The following TNFSF11 variants were observed in gnomAD, a reference collection of about 807,000 sequenced individuals.
TNFSF11 encodes the protein tumor necrosis factor ligand superfamily member 11.
A neutral mutation model predicts 32.2 loss-of-function variants in TNFSF11; 12 were observed. The observed-to-expected ratio is 0.37, with a 90% CI of 0.24 to 0.60. The LOEUF is 0.60. Ranked by LOEUF, TNFSF11 falls within the 20% of genes least tolerant of loss-of-function variation. TNFSF11 has a pLI of 0.66. For missense variants in TNFSF11, 345 were observed against 398.0 expected, an observed-to-expected ratio of 0.87 and a Z score of 1.13; for synonymous variants, 172 against 152.1, an observed-to-expected ratio of 1.13 and a Z score of -0.96.
In TNFSF11 at chr13:42,583,067, T is replaced by A. The variant is rs74058919; in HGVS notation, c.387+1774T>A. Among the ~76,000 whole-genome samples the A allele has an allele frequency of 8.5e-3, 1,295 of 152,236 alleles. 21 individuals carry two copies. The highest frequency in any genetic ancestry group is 0.03 in the African/African-American group (1,242 of 41,520). ...TAAAAGTTACCCTTTGAGTTCCTTA[T>A]GGAAGAATAAGTATGGAAAATCAGC... is the stretch of plus-strand genomic sequence containing the variant. On this transcript the variant is annotated intron_variant, in intron 2 of 4. Coordinates refer to ENST00000398795, the MANE Select transcript of TNFSF11 (RefSeq NM_003701.4).
At chr13:42,597,701 C>A (rs1868897904) in intron 2 of TNFSF11, among the ~76,000 whole-genome samples, 1 of 152,198 alleles carries the variant, frequency 6.6e-6, no homozygotes, top group Non-Finnish European at 1.5e-5. Context: ...AGGCCCCACC[C>A]CAAATCTACT....
rs1869521351 is a variant in TNFSF11 at position 42,607,355 on chromosome 13, A to T, written c.*437A>T. 1 of 155,828 alleles carries T rather than the reference A, an allele frequency of 6.4e-6. No individual in the cohort carries two copies. The highest frequency in any genetic ancestry group is 6.4e-5 in the Admixed American group (1 of 15,692). 9.7% of individuals were successfully genotyped at this position (155,828 alleles called of 1,614,324 possible). ...GGAACCTGCAAAAAATACTTTTTCT[A>T]ATGAGGAGAGAAAATATATGTATTT... On this transcript the variant is annotated 3_prime_UTR_variant, in exon 5 of 5. Coordinates refer to ENST00000398795, the MANE Select transcript of TNFSF11 (RefSeq NM_003701.4).
chr13:42,575,545 A>G (rs1873268872), intron 1 of TNFSF11, among the ~76,000 whole-genome samples: 1 of 152,186 alleles, frequency 6.6e-6, no homozygotes, highest in Admixed American at 6.5e-5. Context: ...GGTGATTACT[A>G]AACCAAACGG....
upstream of TNFSF11, among the ~76,000 whole-genome samples, chr13:42,570,706 G>A (rs7988338): frequency 0.18 from 27,064 of 152,062 alleles, 2,632 homozygotes; most frequent in East Asian, 0.31. Flanking sequence ...TAAACAAATT[G>A]TTATAATAAT....
chr13:42,570,243 T>C (rs1873014733), upstream of TNFSF11, among the ~76,000 whole-genome samples: 2 of 152,170 alleles, frequency 1.3e-5, no homozygotes, highest in Admixed American at 1.3e-4. Flanking sequence ...TTGACAAATA[T>C]CTCTCCCTCC....
chr13:42,575,996 T>C (rs1473315585), intron 1 of TNFSF11, among the ~76,000 whole-genome samples: 2 of 152,220 alleles, frequency 1.3e-5, no homozygotes, highest in Non-Finnish European at 2.9e-5. Flanking sequence ...GAGTTAAGAA[T>C]CATTTATTCA....
At chr13:42,580,994 T>C (rs1873577652) in intron 1 of TNFSF11, 132 bp from the exon 2 acceptor site, 2 of 905,864 alleles carry the variant, frequency 2.2e-6, no homozygotes, top group African/African-American at 1.7e-5. Context: ...AGGTTCATTG[T>C]ATTAACTATT....
chr13:42,564,733 C>A (rs772048022), intron 1 of TNFSF11, among the ~76,000 whole-genome samples: 4 of 152,166 alleles, frequency 2.6e-5, no homozygotes, highest in Non-Finnish European at 5.9e-5. Context: ...TATAAAAGAA[C>A]TAATGTAGAT....
intron 2 of TNFSF11, among the ~76,000 whole-genome samples, chr13:42,599,433 C>T (rs1333878607): frequency 1.3e-5 from 2 of 151,872 alleles, no homozygotes; most frequent in Non-Finnish European, 1.5e-5. Context: ...ACTTAAGCTG[C>T]ATGGCCTATC....
At chr13:42,570,114 TA>T (rs147836926), upstream of TNFSF11, among the ~76,000 whole-genome samples, 580 of 152,280 alleles carry the variant, frequency 3.8e-3, 5 homozygotes, top group African/African-American at 0.012. Context: ...TTGAAGAATG[TA>T]AAAGGTTTGA....
At chr13:42,583,605 A>AAAACAG (rs1873742031) in intron 2 of TNFSF11, among the ~76,000 whole-genome samples, 1 of 152,030 alleles carries the variant, frequency 6.6e-6, no homozygotes, top group African/African-American at 2.4e-5. Context: ...AATCCATTAG[A>AAAACAG]AAACAGAACT....
chr13:42,602,946 C>T (rs1403526444), intron 4 of TNFSF11, among the ~76,000 whole-genome samples: 1 of 152,132 alleles, frequency 6.6e-6, no homozygotes, highest in Non-Finnish European at 1.5e-5. Flanking sequence ...AAACACAAGG[C>T]AAAACTCCTG....
Position 42,606,410 on chromosome 13 carries a change from T to C in TNFSF11, c.533-87T>C, listed in dbSNP as rs992858558. ...CTTTGAAATAATGACTGCTATACTA[T>C]TTTTTCTCCCTAACCTCATAGAATT... On this transcript the variant is annotated intron_variant, in intron 4 of 4. Coordinates refer to ENST00000398795, the MANE Select transcript of TNFSF11 (RefSeq NM_003701.4). The C allele has an allele frequency of 3.3e-6, 5 of 1,522,948 alleles. No individual in the cohort carries two copies. The East Asian group carries it at 1.1e-4, about 34-fold the overall frequency. The allele number at this position is 1,522,948 out of a possible 1,614,324, so 94.3% of individuals were successfully genotyped here.
At position 42,583,797 on chromosome 13, in the gene TNFSF11, G is replaced by A. The variant is rs139699133; in HGVS notation, c.387+2504G>A. Among the ~76,000 whole-genome samples, 349 of 152,108 alleles carry A rather than the reference G, an allele frequency of 2.3e-3. 2 individuals carry two copies. Among genetic ancestry groups the A allele is most frequent in the African/African-American group, 7.2e-3 (297 of 41,482 alleles). ...GCCCACTGTCCCTACGTTATTTAGCGTTGTTCTGAAGGTGCCAGCTAATGT... is the reference window on the plus strand; with the variant it reads ...GCCCACTGTCCCTACGTTATTTAGCATTGTTCTGAAGGTGCCAGCTAATGT... On this transcript the variant is annotated intron_variant, in intron 2 of 4. Coordinates refer to ENST00000398795, the MANE Select transcript of TNFSF11 (RefSeq NM_003701.4).
intron 2 of TNFSF11, among the ~76,000 whole-genome samples, chr13:42,589,574 C>T (rs1466197430): frequency 6.6e-6 from 1 of 152,210 alleles, no homozygotes; most frequent in South Asian, 2.1e-4. Context: ...TGGAAAGCCT[C>T]GTTCCAGCCC....
At position 42,581,216 on chromosome 13, in the gene TNFSF11, C is replaced by G. The variant is rs753490049; in HGVS notation, c.310C>G (p.Leu104Val). ...HENADFQDTT[L>V]ESQDTKLIPD... ...AAATGCAGATTTTCAAGACACAACT[C>G]TGGAGAGTCAAGATACAAAATTAAT... The change falls in exon 2 of 5, where the codon CTG becomes GTG. Residue 104 changes from leucine to valine, a missense_variant. By Grantham distance (32) the Leu-to-Val change is conservative. Transcript: ENST00000398795. 3.1e-6 allele frequency: 5 copies of G among 1,614,052 alleles called. No homozygotes were observed. The highest frequency in any genetic ancestry group is 4.2e-6 in the Non-Finnish European group (5 of 1,179,966).
At chr13:42,591,730 G>A (rs1233480278) in intron 2 of TNFSF11, among the ~76,000 whole-genome samples, 1 of 152,172 alleles carries the variant, frequency 6.6e-6, no homozygotes, top group Non-Finnish European at 1.5e-5. Context: ...GGCTGGGGCA[G>A]CGATACTAAA....
At chr13:42,582,706 A>G (rs1440430222) in intron 2 of TNFSF11, among the ~76,000 whole-genome samples, 1 of 152,240 alleles carries the variant, frequency 6.6e-6, no homozygotes, top group Non-Finnish European at 1.5e-5. Context: ...ATATGTTTAA[A>G]TTCAGTGATC....
intron 2 of TNFSF11, among the ~76,000 whole-genome samples, 194 bp downstream of exon 2, chr13:42,581,487 G>A (rs1385475301): frequency 2.0e-5 from 3 of 152,156 alleles, no homozygotes; most frequent in Non-Finnish European, 4.4e-5. Context: ...AATCAGGGAC[G>A]TTCATGCAAA....
Sources: gnomAD v4.1 joint callset for allele counts (sites outside exome capture counted in the v4.1 genomes callset) on GRCh38, gnomAD v4.1.1 for gene constraint, MANE v1.5 for transcripts, NCBI Gene and HGNC (gene_info 2026-07-23, HGNC 2026-07-21) for gene names.